STXBP5L: variants seen among roughly 807,000 people sequenced by gnomAD.
STXBP5L encodes the protein syntaxin-binding protein 5-like.
STXBP5L carries 65 observed loss-of-function variants against 144.5 expected under a neutral mutation model. That is an observed-to-expected ratio of 0.45 (90% CI 0.37 to 0.55). The LOEUF (loss-of-function observed/expected upper bound fraction) is 0.55, where lower values mean the gene tolerates loss of function less well. Ranked by LOEUF, STXBP5L falls within the 20% of genes least tolerant of loss-of-function variation. The probability of loss-of-function intolerance (pLI) is 0.00; values close to 1 mark genes in which losing one functional copy is unlikely to be tolerated. For synonymous variants in STXBP5L, 505 were observed against 469.6 expected, an observed-to-expected ratio of 1.08 and a Z score of -0.97; for missense variants, 1,298 against 1,405.5, an observed-to-expected ratio of 0.92 and a Z score of 1.22.
chr3:120,926,719 A>G (rs538364585), intron 2 of STXBP5L, among the ~76,000 whole-genome samples: 145 of 152,216 alleles, frequency 9.5e-4, no homozygotes, highest in Admixed American at 1.6e-3. Context: ...TTTTGTAAGC[A>G]ATCTTCATTC....
At chr3:120,973,202 GC>G (rs1441549420) in intron 3 of STXBP5L, among the ~76,000 whole-genome samples, 3 of 151,906 alleles carry the variant, frequency 2.0e-5, no homozygotes, top group African/African-American at 7.3e-5. Flanking sequence ...CTGGTCCTAG[GC>G]TTTTATTTTC....
chr3:121,381,150 C>A, intron 21 of STXBP5L, 143 bp from the exon 22 acceptor site: 1 of 763,250 alleles, frequency 1.3e-6, no homozygotes, highest in Non-Finnish European at 2.0e-6. Flanking sequence ...AGCTGGTGAA[C>A]TGGATAAGCT....
chr3:121,036,772 A>ATTTTTTTTTTTTTT (rs3863971), intron 3 of STXBP5L, among the ~76,000 whole-genome samples: 18 of 122,222 alleles, frequency 1.5e-4, no homozygotes, highest in Non-Finnish European at 2.7e-4. Flanking sequence ...ACATTGATTG[A>ATTTTTTTTTTTTTT]TTTTTTTTTT....
chr3:121,350,161 C>T (rs909106227), intron 20 of STXBP5L, among the ~76,000 whole-genome samples: 3 of 152,102 alleles, frequency 2.0e-5, no homozygotes, highest in African/African-American at 7.2e-5. Flanking sequence ...CTGGTGGTGA[C>T]AAAATGTCTC....
At chr3:121,362,588 T>G (rs1224894112) in intron 20 of STXBP5L, among the ~76,000 whole-genome samples, 1 of 152,128 alleles carries the variant, frequency 6.6e-6, no homozygotes, top group Non-Finnish European at 1.5e-5. Context: ...TAAGTCAGCT[T>G]ATTGTGAATG....
At chr3:121,026,003 T>A (rs895691941) in intron 3 of STXBP5L, among the ~76,000 whole-genome samples, 4 of 144,382 alleles carry the variant, frequency 2.8e-5, no homozygotes, top group Admixed American at 2.1e-4. Flanking sequence ...TATCAATATA[T>A]TATATATAAA....
chr3:120,912,524 A>C (rs1708896485), intron 2 of STXBP5L, among the ~76,000 whole-genome samples: 2 of 151,890 alleles, frequency 1.3e-5, no homozygotes. Context: ...AGCCTTAAAA[A>C]AGTGAAAGTA....
rs569963064 is a variant in STXBP5L at position 121,012,563 on chromosome 3, C to G, written c.288-29137C>G. ...GGTATTTCATGGTGGTTTTGATAGGCATGTCCCTGGACTAATGATGTTGAC... is the reference window on the plus strand; with the variant it reads ...GGTATTTCATGGTGGTTTTGATAGGGATGTCCCTGGACTAATGATGTTGAC... On this transcript the variant is annotated intron_variant, in intron 3 of 26. Transcript: ENST00000471454. 2.0e-5 allele frequency among the ~76,000 whole-genome samples: 3 copies of G among 151,894 alleles called. No homozygotes were observed. The East Asian group carries it at 5.8e-4, about 29-fold the overall frequency.
chr3:121,321,154 T>C (rs553354128), intron 20 of STXBP5L, among the ~76,000 whole-genome samples: 1 of 152,336 alleles, frequency 6.6e-6, no homozygotes, highest in South Asian at 2.1e-4. Context: ...TTCAATACCT[T>C]ACTTGATACT....
At chr3:121,365,668 C>T (rs1343686558) in intron 20 of STXBP5L, among the ~76,000 whole-genome samples, 1 of 151,454 alleles carries the variant, frequency 6.6e-6, no homozygotes, top group Non-Finnish European at 1.5e-5. Flanking sequence ...CTCTCTGTTT[C>T]TTCTTACATG....
intron 20 of STXBP5L, among the ~76,000 whole-genome samples, chr3:121,333,552 C>G (rs541327857): frequency 1.4e-5 from 2 of 142,498 alleles, no homozygotes; most frequent in African/African-American, 5.5e-5. Context: ...TTGGGACACA[C>G]ACACAAAAAA....
At chr3:121,191,184 C>A (rs1000303580) in intron 9 of STXBP5L, among the ~76,000 whole-genome samples, 2 of 152,154 alleles carry the variant, frequency 1.3e-5, no homozygotes, top group African/African-American at 4.8e-5. Flanking sequence ...GAGGCCAAGG[C>A]AGGCGGCTGG....
chr3:121,095,749 G>C (rs758940990), intron 5 of STXBP5L, among the ~76,000 whole-genome samples: 1 of 150,984 alleles, frequency 6.6e-6, no homozygotes, highest in Non-Finnish European at 1.5e-5. Context: ...CTTTAGCTCG[G>C]AGAAGTTTGA....
chr3:121,259,360 T>C (rs536922424), intron 18 of STXBP5L, among the ~76,000 whole-genome samples, 192 bp downstream of exon 18: 7 of 152,268 alleles, frequency 4.6e-5, no homozygotes, highest in Non-Finnish European at 5.9e-5. Flanking sequence ...AAACCTGTGA[T>C]AGTGTTCCCA....
In STXBP5L at chr3:121,070,142, C is replaced by T. The variant is rs576795062; in HGVS notation, c.470+24607C>T. On this transcript the variant is annotated intron_variant, in intron 5 of 26. Coordinates refer to ENST00000471454, the MANE Select transcript of STXBP5L (RefSeq NM_001308330.2). ...TCACCGGCTCAGCCGGACATATGTC[C>T]AGAATTCTGAGCCCTGAACAAAGGG... 1.1e-3 allele frequency among the ~76,000 whole-genome samples: 164 copies of T among 152,328 alleles called. 1 individual carries two copies. The highest frequency in any genetic ancestry group is 4.3e-4 in the Non-Finnish European group (29 of 68,040).
chr3:120,979,352 A>G (rs530949381), intron 3 of STXBP5L, among the ~76,000 whole-genome samples: 71 of 152,342 alleles, frequency 4.7e-4, no homozygotes, highest in Non-Finnish European at 6.6e-4. Flanking sequence ...CCTCCGAGCC[A>G]GGTGTGGGAT....
intron 22 of STXBP5L, among the ~76,000 whole-genome samples, chr3:121,405,539 TG>T (rs1435087484): frequency 6.6e-6 from 1 of 152,112 alleles, no homozygotes; most frequent in East Asian, 1.9e-4. Flanking sequence ...GCTGGTGATT[TG>T]GGAAAGCTGG....
intron 7 of STXBP5L, among the ~76,000 whole-genome samples, chr3:121,132,267 G>A (rs1223223827): frequency 1.3e-5 from 2 of 152,176 alleles, no homozygotes; most frequent in Non-Finnish European, 2.9e-5. Context: ...GAGTGGATCT[G>A]TGCATCCAGT....
At chr3:121,063,254 A>G (rs1306116305) in intron 5 of STXBP5L, among the ~76,000 whole-genome samples, 2 of 152,112 alleles carry the variant, frequency 1.3e-5, no homozygotes, top group African/African-American at 4.8e-5. Flanking sequence ...TTTTCTTTCT[A>G]ACAGTCAGGC....
Sources: allele counts gnomAD v4.1 joint callset (sites outside exome capture counted in the v4.1 genomes callset), GRCh38; gene constraint gnomAD v4.1.1; transcripts MANE v1.5; gene names NCBI Gene and HGNC (gene_info 2026-07-23, HGNC 2026-07-21).